Variants in DNMT3L observed in about 807,000 individuals in gnomAD.
DNMT3L encodes the protein DNA methyltransferase 3 like.
A neutral mutation model predicts 36.2 loss-of-function variants in DNMT3L; 33 were observed. That is an observed-to-expected ratio of 0.91 (90% CI 0.69 to 1.22). DNMT3L has a LOEUF of 1.22. Among genes scored for constraint, DNMT3L ranks in the 50% most tolerant of loss-of-function variants. The probability of loss-of-function intolerance (pLI) is 0.00; values close to 1 mark genes in which losing one functional copy is unlikely to be tolerated. For missense variants in DNMT3L, 310 were observed against 303.1 expected, an observed-to-expected ratio of 1.02 and a Z score of -0.17; for synonymous variants, 117 against 121.7, an observed-to-expected ratio of 0.96 and a Z score of 0.26.
Position 44,259,476 on chromosome 21 carries a change from C to T in DNMT3L, c.305G>A (p.Gly102Glu). The T allele has an allele frequency of 6.2e-7, 1 of 1,613,676 alleles. No homozygotes were observed. The highest frequency in any genetic ancestry group is 8.5e-7 in the Non-Finnish European group (1 of 1,180,016). Residue 102 changes from glycine to glutamate, a missense_variant, in exon 5 of 12, where the codon GGA becomes GAA. By Grantham distance (98) the Gly-to-Glu change is moderately conservative. Coordinates refer to ENST00000628202, the MANE Select transcript of DNMT3L (RefSeq NM_175867.3). ...YQSYCSICCS[G>E]ETLLICGNPD... ...GTTTCCGCAGATGAGCAGCGTCTCT[C>T]CGGAGCAGCAGATGGAGCAGTAGGA...
chr21:44,254,856 C>T (rs2040245149), intron 7 of DNMT3L, 151 bp from the exon 8 acceptor site: 1 of 759,980 alleles, frequency 1.3e-6, no homozygotes, highest in Non-Finnish European at 2.1e-6. Flanking sequence ...GATGGAGTCT[C>T]CCTCTGTCGC....
intron 7 of DNMT3L, among the ~76,000 whole-genome samples, chr21:44,255,363 A>C (rs1018147004): frequency 2.6e-5 from 4 of 151,966 alleles, no homozygotes. Context: ...TCTACTAAAA[A>C]CACAAAAATT....
chr21:44,259,676 T>C lies in DNMT3L; in HGVS notation c.187A>G (p.Thr63Ala). 6.2e-7 allele frequency: 1 copy of C among 1,612,960 alleles called. No individual in the cohort carries two copies. Among genetic ancestry groups the C allele is most frequent in the South Asian group, 1.1e-5 (1 of 90,892 alleles). Residue 63 changes from threonine (T) to alanine (A), a missense_variant, in exon 4 of 12, where the codon ACA (threonine) becomes GCA (alanine). By Grantham distance (58) the Thr-to-Ala change is moderately conservative. Transcript: ENST00000628202. ...CCTCCCTCAAACAGAGGGTGCTGTGTGTGAACCTGGAGACTTCCGCAGCAG... is the reference window on the plus strand; with the variant it reads ...CCTCCCTCAAACAGAGGGTGCTGTGCGTGAACCTGGAGACTTCCGCAGCAG... ...CICCGSLQVH[T>A]QHPLFEGGIC...
chr21:44,257,706 A>G (rs2040275180), intron 6 of DNMT3L, among the ~76,000 whole-genome samples: 2 of 93,244 alleles, frequency 2.1e-5, no homozygotes, highest in South Asian at 3.4e-4. Context: ...ATAAATAAAT[A>G]AATAAATAAA....
Position 44,258,675 on chromosome 21 carries a change from C to T in DNMT3L, c.364G>A (p.Val122Met), listed in dbSNP as rs779446074. 8.1e-6 allele frequency: 13 copies of T among 1,612,766 alleles called. No individual in the cohort carries two copies. The African/African-American group carries it at 1.3e-4, about 17-fold the overall frequency. ...DCTRCYCFEC[V>M]DSLVGPGTSG... Reference sequence around the variant, plus strand: ...GTCCCGGGGCCGACCAGGCTATCCACACACTCGAAGCAGTAGCATCTAAGG... The same window carrying T: ...GTCCCGGGGCCGACCAGGCTATCCATACACTCGAAGCAGTAGCATCTAAGG... Residue 122 changes from valine to methionine, a missense_variant, in exon 6 of 12, where the codon GTG (valine) becomes ATG (methionine). Coordinates refer to ENST00000628202, the MANE Select transcript of DNMT3L (RefSeq NM_175867.3). This position sits in a 1 kb window ranked among gnomAD's most constrained non-coding sequence, Gnocchi z 6.2.
At chr21:44,257,505 C>T (rs953038082) in intron 6 of DNMT3L, among the ~76,000 whole-genome samples, 1 of 151,640 alleles carries the variant, frequency 6.6e-6, no homozygotes, top group Non-Finnish European at 1.5e-5. Flanking sequence ...AACTGTGAAA[C>T]CCCGTCTCTA....
chr21:44,257,471 G>A (rs2040269107), intron 6 of DNMT3L, among the ~76,000 whole-genome samples: 1 of 151,956 alleles, frequency 6.6e-6, no homozygotes, highest in South Asian at 2.1e-4. Flanking sequence ...CACGAGGTCA[G>A]GAGATCGAGA....
At position 44,254,687 on chromosome 21, in the gene DNMT3L, A is replaced by G; in HGVS notation, c.623T>C (p.Phe208Ser). 6.2e-7 allele frequency: 1 copy of G among 1,613,846 alleles called. No individual in the cohort carries two copies. Among genetic ancestry groups the G allele is most frequent in the Non-Finnish European group, 8.5e-7 (1 of 1,179,916 alleles). The part of the protein sequence containing the change: ...DIKKELTSLG[F>S]LESGSDPGQL... The stretch of plus-strand genomic sequence containing the variant: ...TCCCGGGTCAGAACCACTTTCCAAA[A>G]AGCCCAAACTCGTCAGCTCTGGATG... The change falls in exon 8 of 12, where the codon TTT becomes TCT. Residue 208 changes from phenylalanine (F) to serine (S), a missense_variant. Physicochemically the swap from Phe to Ser is radical, Grantham distance 155. Coordinates refer to ENST00000628202, the MANE Select transcript of DNMT3L (RefSeq NM_175867.3).
intron 7 of DNMT3L, among the ~76,000 whole-genome samples, chr21:44,255,588 A>T (rs1436169133): frequency 6.6e-6 from 1 of 151,894 alleles, no homozygotes; most frequent in Non-Finnish European, 1.5e-5. Context: ...GGAAATCCAC[A>T]GAGCAGTGGA....
At chr21:44,255,718 G>A (rs567498850) in intron 7 of DNMT3L, among the ~76,000 whole-genome samples, 19 of 152,306 alleles carry the variant, frequency 1.2e-4, no homozygotes, top group African/African-American at 4.1e-4. Flanking sequence ...CAGGCGCTGC[G>A]GGATCAGGCT....
chr21:44,260,104 G>A (rs1278368087), intron 3 of DNMT3L, among the ~76,000 whole-genome samples: 1 of 149,036 alleles, frequency 6.7e-6, no homozygotes, highest in Non-Finnish European at 1.5e-5. Flanking sequence ...AATAGCATGA[G>A]TCCCCAAATG....
intron 6 of DNMT3L, among the ~76,000 whole-genome samples, chr21:44,257,424 G>A (rs1219182687): frequency 6.6e-6 from 1 of 152,020 alleles, no homozygotes; most frequent in East Asian, 1.9e-4. Context: ...GCTCACGCCT[G>A]TAATCCCAGC....
chr21:44,254,006 G>A (rs1239997250), intron 8 of DNMT3L, among the ~76,000 whole-genome samples: 9 of 152,218 alleles, frequency 5.9e-5, no homozygotes, highest in African/African-American at 2.2e-4. Context: ...GTGAGGGGGG[G>A]CTGCTGGTCC....
At position 44,259,515 on chromosome 21, in the gene DNMT3L, T is replaced by C. The variant is rs1395329913; in HGVS notation, c.266A>G (p.Asp89Gly). The change falls in exon 5 of 12, where the codon GAT becomes GGT. Residue 89 changes from aspartate (D) to glycine (G), a missense_variant. By Grantham distance (94) the Asp-to-Gly change is moderately conservative (BLOSUM62 -1). Coordinates refer to ENST00000628202, the MANE Select transcript of DNMT3L (RefSeq NM_175867.3). ...GGAGCAGTAGGATTGGTACCCGTCA[T>C]CGTCGTACAGGAAGAGGGCATCCAG... ...KFLDALFLYDDDGYQSYCSIC... is the reference protein window; with the variant it reads ...KFLDALFLYDGDGYQSYCSIC... 6.2e-7 allele frequency: 1 copy of C among 1,613,722 alleles called. No homozygotes were observed. Among genetic ancestry groups the C allele is most frequent in the Non-Finnish European group, 8.5e-7 (1 of 1,180,004 alleles).
At chr21:44,259,049 G>T (rs963631129) in intron 5 of DNMT3L, among the ~76,000 whole-genome samples, 1 of 152,080 alleles carries the variant, frequency 6.6e-6, no homozygotes, top group African/African-American at 2.4e-5. Context: ...GAGGAGTGGG[G>T]AGCTGTAAAT....
At chr21:44,261,108 G>T (rs996208509) in intron 2 of DNMT3L, 46 bp downstream of exon 2, 2 of 1,599,724 alleles carry the variant, frequency 1.3e-6, no homozygotes, top group Non-Finnish European at 1.7e-6. Context: ...CCAGGCCTGG[G>T]ATCAGCATCC....
chr21:44,259,410 C>A (rs757719127), intron 5 of DNMT3L, 27 bp downstream of exon 5: 3 of 1,609,206 alleles, frequency 1.9e-6, no homozygotes, highest in South Asian at 2.2e-5. Context: ...AGCCCCTTCA[C>A]CCCCCTGGGC....
chr21:44,260,170 T>A (rs1339579179), intron 3 of DNMT3L, among the ~76,000 whole-genome samples: 1 of 152,082 alleles, frequency 6.6e-6, no homozygotes, highest in Non-Finnish European at 1.5e-5. Context: ...GTTGACAGGC[T>A]GATCCTAAAT....
Position 44,260,802 on chromosome 21 carries a change from A to G in DNMT3L, c.144T>C (p.Asn48=). The G allele has an allele frequency of 6.2e-7, 1 of 1,613,128 alleles. No homozygotes were observed. Among genetic ancestry groups the G allele is most frequent in the Non-Finnish European group, 8.5e-7 (1 of 1,179,916 alleles). ...IAYEVKANQR[N]IEDICICCGS... is the part of the protein sequence containing the mutation. The stretch of plus-strand genomic sequence containing the variant: ...CAGTATGCAAACACTCACCTTCTAT[A>G]TTTCGCTGGTTAGCCTTGACTTCAT... The change falls in exon 3 of 12, where the codon AAT becomes AAC. Residue 48 remains asparagine (N), a synonymous_variant. Transcript: ENST00000628202.
Sources: allele counts gnomAD v4.1 joint callset (sites outside exome capture counted in the v4.1 genomes callset), GRCh38; gene constraint gnomAD v4.1.1; non-coding constraint Gnocchi (gnomAD v3.1); transcripts MANE v1.5; gene names NCBI Gene and HGNC (gene_info 2026-07-23, HGNC 2026-07-21).